Variants in AK3 observed in about 807,000 individuals in gnomAD.
The protein encoded by AK3 is GTP:AMP phosphotransferase AK3, mitochondrial.
In AK3, 27 loss-of-function variants were observed where a neutral mutation model predicts 23.7. The observed-to-expected ratio is 1.14, with a 90% CI of 0.84 to 1.57. The LOEUF is 1.57. AK3 is among the 40% of genes most tolerant of loss of function. The probability of loss-of-function intolerance (pLI) is 0.00; values close to 1 mark genes in which losing one functional copy is unlikely to be tolerated. For synonymous variants in AK3, 159 were observed against 116.0 expected, an observed-to-expected ratio of 1.37 and a Z score of -2.38; for missense variants, 406 against 285.6, an observed-to-expected ratio of 1.42 and a Z score of -3.04.
chr9:4,738,074 G>T (rs1238690969), intron 1 of AK3, among the ~76,000 whole-genome samples: 1 of 152,174 alleles, frequency 6.6e-6, no homozygotes, highest in Non-Finnish European at 1.5e-5. Flanking sequence ...TATGTGCAGG[G>T]ATAGTCATAA....
Position 4,711,221 on chromosome 9 carries a change from A to C in AK3, c.*1755T>G, listed in dbSNP as rs967801108. On this transcript the variant is annotated 3_prime_UTR_variant, in exon 5 of 5. Transcript: ENST00000381809. ...GCCATTGAGACATCAGGCAGCAGAA[A>C]GGAAGGTGGGATGGAGCAGGCCCTG... 1 of 152,672 alleles carries C rather than the reference A, an allele frequency of 6.5e-6. No individual in the cohort carries two copies. The highest frequency in any genetic ancestry group is 1.5e-5 in the Non-Finnish European group (1 of 68,074). The allele number at this position is 152,672 out of a possible 1,614,324, so 9.5% of individuals were successfully genotyped here. A position where few individuals can be genotyped will look rare whatever the true frequency, so the allele number is the denominator to read the frequency against.
At chr9:4,728,006 CTTA>C (rs1842057107) in intron 1 of AK3, among the ~76,000 whole-genome samples, 1 of 152,082 alleles carries the variant, frequency 6.6e-6, no homozygotes, top group South Asian at 2.1e-4. Context: ...AGTTTGCCAT[CTTA>C]TATGGGTATA....
chr9:4,713,004 C>A lies in AK3; in HGVS notation c.656G>T (p.Arg219Ile). The A allele has an allele frequency of 1.2e-6, 2 of 1,613,646 alleles. No individual in the cohort carries two copies. Among genetic ancestry groups the A allele is most frequent in the Non-Finnish European group, 1.7e-6 (2 of 1,179,714 alleles). ...TGGAGTAACTGAAGCTTTCTGGCTT[C>A]TTTGTGGAACTTTAGTTTGTAGGAA... The part of the protein sequence containing the change: ...YAFLQTKVPQ[R>I]SQKASVTP The change falls in exon 5 of 5, where the codon AGA becomes ATA. Residue 219 changes from arginine to isoleucine, a missense_variant. By Grantham distance (97) the Arg-to-Ile change is moderately conservative. Transcript: ENST00000381809.
intron 1 of AK3, among the ~76,000 whole-genome samples, chr9:4,728,787 G>C (rs1466485436): frequency 6.7e-6 from 1 of 148,742 alleles, no homozygotes; most frequent in African/African-American, 2.5e-5. Context: ...CTTGAGGCCA[G>C]GAGTTCAAGA....
At chr9:4,718,565 C>G in intron 3 of AK3, 28 bp from the exon 4 acceptor site, 3 of 1,443,752 alleles carry the variant, frequency 2.1e-6, no homozygotes, top group Non-Finnish European at 2.9e-6. Context: ...AGACTAGTAT[C>G]AGATATCATA....
In AK3 at chr9:4,733,678, C is replaced by T. The variant is rs779850961; in HGVS notation, c.151+7259G>A. 2.0e-4 allele frequency among the ~76,000 whole-genome samples: 31 copies of T among 152,162 alleles called. 1 individual carries two copies. Among genetic ancestry groups the T allele is most frequent in the Non-Finnish European group, 4.1e-4 (28 of 68,028 alleles). Reference sequence around the variant, plus strand: ...ACTCCCCTTCCCATTCACTCTGCTTCGGATAAATTCTGATTTTGACAATTA... The same window carrying T: ...ACTCCCCTTCCCATTCACTCTGCTTTGGATAAATTCTGATTTTGACAATTA... On this transcript the variant is annotated intron_variant, in intron 1 of 4. Transcript: ENST00000381809.
In AK3 at chr9:4,728,854, T is replaced by TACACACACACAC. The variant is rs1408805790; in HGVS notation, c.152-6230_152-6229insGTGTGTGTGTGT. Among the ~76,000 whole-genome samples, 23 of 47,402 alleles carry TACACACACACAC rather than the reference T, an allele frequency of 4.9e-4. 1 individual carries two copies. Among genetic ancestry groups the TACACACACACAC allele is most frequent in the Admixed American group, 3.4e-3 (14 of 4,124 alleles). The allele number at this position is 47,402 out of a possible 152,430, so 31.1% of individuals were successfully genotyped here. Reference sequence around the variant, plus strand: ...CTACATATATATATATATATATATATATATATATATATACACACACACACA... The same window carrying TACACACACACAC: ...CTACATATATATATATATATATATATACACACACACACATATATATATATACACACACACACA... On this transcript the variant is annotated intron_variant, in intron 1 of 4. Transcript: ENST00000381809.
intron 1 of AK3, among the ~76,000 whole-genome samples, 197 bp from the exon 2 acceptor site, chr9:4,722,822 C>A (rs186939291): frequency 1.3e-5 from 2 of 152,234 alleles, no homozygotes; most frequent in Non-Finnish European, 2.9e-5. Flanking sequence ...TTTGGGAGGC[C>A]CAGGCGGGTA....
intron 1 of AK3, among the ~76,000 whole-genome samples, chr9:4,729,013 A>ATTTTTTTTT (rs754323325): frequency 6.4e-5 from 7 of 109,804 alleles, no homozygotes; most frequent in African/African-American, 2.5e-4. Flanking sequence ...ATATATATAT[A>ATTTTTTTTT]TATTTTTTTT....
intron 4 of AK3, among the ~76,000 whole-genome samples, chr9:4,715,411 A>C (rs376020065): frequency 3.6e-5 from 2 of 55,820 alleles, no homozygotes; most frequent in Admixed American, 3.1e-4. Flanking sequence ...TTTTTTTTTT[A>C]AGACAGGGTC....
intron 4 of AK3, among the ~76,000 whole-genome samples, chr9:4,716,240 G>A (rs1346084938): frequency 1.3e-5 from 2 of 152,148 alleles, no homozygotes; most frequent in Admixed American, 6.5e-5. Context: ...GATAAATACT[G>A]TTTACCCAGC....
chr9:4,715,406 T>A (rs1358618975), intron 4 of AK3, among the ~76,000 whole-genome samples: 1 of 149,792 alleles, frequency 6.7e-6, no homozygotes, highest in Non-Finnish European at 1.5e-5. Flanking sequence ...TTTTTTTTTT[T>A]TTTTAAGACA....
At chr9:4,740,532 A>T (rs1170100056) in intron 1 of AK3, among the ~76,000 whole-genome samples, 1 of 152,176 alleles carries the variant, frequency 6.6e-6, no homozygotes, top group Non-Finnish European at 1.5e-5. Flanking sequence ...AAGAAAACAA[A>T]ACAGAACGAG....
chr9:4,729,026 T>TC (rs1199587205), intron 1 of AK3, among the ~76,000 whole-genome samples: 3 of 147,990 alleles, frequency 2.0e-5, no homozygotes, highest in African/African-American at 7.4e-5. Context: ...TTTTTTTTTT[T>TC]TGAGACGGAA....
chr9:4,723,744 A>T (rs1224145245), intron 1 of AK3, among the ~76,000 whole-genome samples: 2 of 152,238 alleles, frequency 1.3e-5, no homozygotes, highest in African/African-American at 4.8e-5. Flanking sequence ...ATAAATATAT[A>T]AAACTACACT....
At chr9:4,722,345 T>C (rs1335629651) in intron 2 of AK3, among the ~76,000 whole-genome samples, 161 bp downstream of exon 2, 4 of 152,200 alleles carry the variant, frequency 2.6e-5, no homozygotes, top group Non-Finnish European at 5.9e-5. Context: ...CATTTGGATA[T>C]AGAACTGGTC....
chr9:4,734,494 C>G (rs1364397787), intron 1 of AK3, among the ~76,000 whole-genome samples: 1 of 152,094 alleles, frequency 6.6e-6, no homozygotes, highest in Admixed American at 6.6e-5. Context: ...GGATAGTTGC[C>G]TGAATGAATG....
intron 4 of AK3, among the ~76,000 whole-genome samples, chr9:4,715,450 A>G (rs1378564027): frequency 6.9e-6 from 1 of 144,446 alleles, no homozygotes; most frequent in Non-Finnish European, 1.5e-5. Context: ...TCTAGACTGC[A>G]GTGGAGCAAT....
intron 1 of AK3, among the ~76,000 whole-genome samples, chr9:4,728,866 T>TATATATATACACACACAC (rs1395790351): frequency 2.3e-5 from 2 of 87,906 alleles, no homozygotes; most frequent in African/African-American, 3.8e-5. Flanking sequence ...TATATATATA[T>TATATATATACACACACAC]ACACACACAC....
Sources: allele counts gnomAD v4.1 joint callset (sites outside exome capture counted in the v4.1 genomes callset), GRCh38; gene constraint gnomAD v4.1.1; transcripts MANE v1.5; gene names NCBI Gene and HGNC (gene_info 2026-07-23, HGNC 2026-07-21).